PTPN11: variants seen among roughly 807,000 people sequenced by gnomAD.
The protein encoded by PTPN11 is tyrosine-protein phosphatase non-receptor type 11.
A neutral mutation model predicts 78.8 loss-of-function variants in PTPN11; 6 were observed. The observed-to-expected ratio is 0.08, with a 90% CI of 0.04 to 0.15. The LOEUF (loss-of-function observed/expected upper bound fraction) is 0.15, where lower values mean the gene tolerates loss of function less well. PTPN11 is among the 10% of genes least tolerant of loss of function. The pLI is 1.00. For missense variants in PTPN11, 386 were observed against 744.8 expected (o/e 0.52, Z 5.61); for synonymous variants, 221 against 263.5 (o/e 0.84, Z 1.56).
rs1269391259 is a variant in PTPN11 at position 112,509,198 on chromosome 12, T to G, written c.*3406T>G. 6.6e-6 allele frequency: 1 copy of G among 152,230 alleles called. No homozygotes were observed. Among genetic ancestry groups the G allele is most frequent in the Non-Finnish European group, 1.5e-5 (1 of 68,046 alleles). 9.4% of individuals were successfully genotyped at this position (152,230 alleles called of 1,614,324 possible). A position where few individuals can be genotyped will look rare whatever the true frequency, so the allele number is the denominator to read the frequency against. ...ATTTGCCCTTAATTTTGTTGAAATC[T>G]TTTTTCCTTCTTCCTCTTGAAAAGT... On this transcript the variant is annotated 3_prime_UTR_variant, in exon 16 of 16. Coordinates refer to ENST00000351677, the MANE Select transcript of PTPN11 (RefSeq NM_002834.5).
chr12:112,423,654 C>T (rs2037558894), intron 1 of PTPN11, among the ~76,000 whole-genome samples: 1 of 151,212 alleles, frequency 6.6e-6, no homozygotes, highest in African/African-American at 2.4e-5. Context: ...TATTTGTATA[C>T]TCATATAAAC....
chr12:112,457,258 T>C (rs879376578), intron 6 of PTPN11: 1 of 401,724 alleles, frequency 2.5e-6, no homozygotes, highest in Non-Finnish European at 4.9e-6. Context: ...TGTCCATGTG[T>C]TCTCATTGTT....
At chr12:112,455,886 T>C (rs1685444978) in intron 5 of PTPN11, 64 bp from the exon 6 acceptor site, 2 of 928,772 alleles carry the variant, frequency 2.2e-6, no homozygotes, top group Non-Finnish European at 3.4e-6. Context: ...TTTTTTTTTT[T>C]TTGCATTAAC....
intron 12 of PTPN11, 31 bp from the exon 13 acceptor site, chr12:112,488,993 C>G: frequency 6.2e-7 from 1 of 1,612,156 alleles, no homozygotes; most frequent in Non-Finnish European, 8.5e-7. Context: ...TCTGCAGTTT[C>G]TCTTTATTCT....
chr12:112,486,719 T>C (rs1005905614), intron 11 of PTPN11, 90 bp downstream of exon 11: 16 of 1,558,078 alleles, frequency 1.0e-5, no homozygotes, highest in Non-Finnish European at 1.4e-5. Flanking sequence ...CCTAGCTCTT[T>C]AACTGTAGGA....
chr12:112,499,631 G>T (rs1038966560), intron 13 of PTPN11, among the ~76,000 whole-genome samples: 4 of 152,036 alleles, frequency 2.6e-5, no homozygotes, highest in Non-Finnish European at 5.9e-5. Context: ...GAGCCACAGT[G>T]CCCGGCGGGA....
intron 1 of PTPN11, among the ~76,000 whole-genome samples, chr12:112,439,230 A>T (rs958650787): frequency 1.3e-5 from 2 of 152,116 alleles, no homozygotes; most frequent in African/African-American, 4.8e-5. Context: ...TGTGTTAGTG[A>T]TTCTCAGCCT....
chr12:112,468,980 CTT>C (rs1268082585), intron 6 of PTPN11, among the ~76,000 whole-genome samples: 4 of 152,152 alleles, frequency 2.6e-5, no homozygotes, highest in African/African-American at 9.7e-5. Flanking sequence ...GCGAGGATCA[CTT>C]GAGCCCAGGA....
intron 6 of PTPN11, among the ~76,000 whole-genome samples, chr12:112,465,367 A>G (rs2038310457): frequency 6.6e-6 from 1 of 151,538 alleles, no homozygotes; most frequent in Admixed American, 6.6e-5. Context: ...CCTGGGAGGC[A>G]GAGGTTGCAG....
At chr12:112,489,201 G>C (rs727505390) in intron 13 of PTPN11, 26 bp downstream of exon 13, 2 of 1,613,678 alleles carry the variant, frequency 1.2e-6, no homozygotes, top group Non-Finnish European at 1.7e-6. Context: ...CTGGCATGCG[G>C]ATTCTCATTC....
At position 112,509,299 on chromosome 12, in the gene PTPN11, A is replaced by G. The variant is rs2038972715; in HGVS notation, c.*3507A>G. The G allele has an allele frequency of 6.6e-6, 1 of 152,412 alleles. No homozygotes were observed. The highest frequency in any genetic ancestry group is 6.5e-5 in the Admixed American group (1 of 15,278). The allele number at this position is 152,412 out of a possible 1,614,324, so 9.4% of individuals were successfully genotyped here. A position where few individuals can be genotyped will look rare whatever the true frequency, so the allele number is the denominator to read the frequency against. ...TCACTATGGGCAGTTCACACAAGGCAAAAACTATTGAACAGTTGGTTTTAG... is the reference window on the plus strand; with the variant it reads ...TCACTATGGGCAGTTCACACAAGGCGAAAACTATTGAACAGTTGGTTTTAG... On this transcript the variant is annotated 3_prime_UTR_variant, in exon 16 of 16. Transcript: ENST00000351677.
intron 13 of PTPN11, among the ~76,000 whole-genome samples, chr12:112,498,718 A>G (rs191649635): frequency 6.6e-6 from 1 of 152,308 alleles, no homozygotes; most frequent in East Asian, 1.9e-4. Flanking sequence ...TCTAGGCTTC[A>G]GAAACACATT....
At chr12:112,502,674 G>A (rs930312592) in intron 14 of PTPN11, among the ~76,000 whole-genome samples, 1 of 152,090 alleles carries the variant, frequency 6.6e-6, no homozygotes, top group African/African-American at 2.4e-5. Context: ...TTGAACCCAG[G>A]AAACGGATGT....
At chr12:112,453,850 G>A (rs1035455842) in intron 4 of PTPN11, among the ~76,000 whole-genome samples, 1 of 151,506 alleles carries the variant, frequency 6.6e-6, no homozygotes, top group Non-Finnish European at 1.5e-5. Flanking sequence ...GTGTTTTGCC[G>A]CATTGCCCAG....
rs775571445 is a variant in PTPN11, at chr12:112,482,172, G to A, written c.1191G>A (p.Thr397=). 5 of 1,613,622 alleles carry A rather than the reference G, an allele frequency of 3.1e-6. No individual in the cohort carries two copies. Among genetic ancestry groups the A allele is most frequent in the Middle Eastern group, 1.6e-4 (1 of 6,082 alleles). ...NVKESAAHDY[T]LRELKLSKVG... is the part of the protein sequence containing the mutation. The stretch of plus-strand genomic sequence containing the variant: ...AAGAAAGCGCCGCTCATGACTATAC[G>A]CTAAGAGAACTTAAACTTTCAAAGG... The change falls in exon 10 of 16, where the codon ACG becomes ACA. Residue 397 remains threonine, a synonymous_variant. Transcript: ENST00000351677. The surrounding 1 kb of genome is among the most constrained non-coding windows in gnomAD (Gnocchi z 4.4).
At position 112,482,011 on chromosome 12, in the gene PTPN11, C is replaced by T. The variant is rs947619328; in HGVS notation, c.1093-63C>T. On this transcript the variant is annotated intron_variant, in intron 9 of 15. Transcript: ENST00000351677. The surrounding 1 kb of genome is among the most constrained non-coding windows in gnomAD (Gnocchi z 4.4). Reference sequence around the variant, plus strand: ...GCAAGACTTGAACATTTGTTTGTTGCTTGTTTAGGCTTTTATTTCAGAGTT... The same window carrying T: ...GCAAGACTTGAACATTTGTTTGTTGTTTGTTTAGGCTTTTATTTCAGAGTT... 72 of 1,490,712 alleles carry T rather than the reference C, an allele frequency of 4.8e-5. No homozygotes were observed. The East Asian group carries it at 1.5e-3, about 32-fold the overall frequency. The allele number at this position is 1,490,712 out of a possible 1,614,324, so 92.3% of individuals were successfully genotyped here. A position where few individuals can be genotyped will look rare whatever the true frequency, so the allele number is the denominator to read the frequency against.
chr12:112,440,896 CAG>C (rs989169571), intron 1 of PTPN11, among the ~76,000 whole-genome samples: 1 of 151,186 alleles, frequency 6.6e-6, no homozygotes, highest in African/African-American at 2.4e-5. Context: ...GACAAGCTCT[CAG>C]AGAGAGTAAA....
chr12:112,435,456 C>G (rs1287939307), intron 1 of PTPN11, among the ~76,000 whole-genome samples: 1 of 152,052 alleles, frequency 6.6e-6, no homozygotes, highest in African/African-American at 2.4e-5. Context: ...TGGTGACAGT[C>G]AGGGAACAGA....
At chr12:112,491,337 C>A (rs2038742571) in intron 13 of PTPN11, among the ~76,000 whole-genome samples, 1 of 151,006 alleles carries the variant, frequency 6.6e-6, no homozygotes, top group Non-Finnish European at 1.5e-5. Flanking sequence ...CCCAGCTTTC[C>A]TGACTGTTAA....
Sources: gnomAD v4.1 joint callset for allele counts (sites outside exome capture counted in the v4.1 genomes callset) on GRCh38, gnomAD v4.1.1 for gene constraint, Gnocchi (gnomAD v3.1) non-coding constraint, MANE v1.5 for transcripts, NCBI Gene and HGNC (gene_info 2026-07-23, HGNC 2026-07-21) for gene names.